Variants in PAXIP1 observed in about 807,000 individuals in gnomAD.
PAXIP1 encodes PAX interacting protein 1.
In PAXIP1, 19 loss-of-function variants were observed where a neutral mutation model predicts 140.6. The ratio of observed to expected loss-of-function variants is 0.14; its 90% CI spans 0.09 to 0.20. The LOEUF is 0.20. Among genes scored for constraint, PAXIP1 ranks in the 10% least tolerant of loss-of-function variants. PAXIP1 has a pLI of 1.00. For missense variants in PAXIP1, 920 were observed against 1,208.6 expected (o/e 0.76, Z 3.54); for synonymous variants, 442 against 444.6 (o/e 0.99, Z 0.07).
intron 6 of PAXIP1, among the ~76,000 whole-genome samples, chr7:154,972,207 C>G (rs1179026585): frequency 6.6e-6 from 1 of 152,166 alleles, no homozygotes; most frequent in Non-Finnish European, 1.5e-5. Context: ...CATAATAAGG[C>G]CAGGCACGGT....
chr7:154,950,314 C>G (rs1808217898), intron 16 of PAXIP1: 1 of 152,032 alleles, frequency 6.6e-6, no homozygotes, highest in Admixed American at 6.5e-5. Context: ...ATGTAAAATG[C>G]AAAACTATGA....
At chr7:154,999,470 G>A (rs902814043) in intron 1 of PAXIP1, among the ~76,000 whole-genome samples, 4 of 152,306 alleles carry the variant, frequency 2.6e-5, no homozygotes, top group Admixed American at 6.5e-5. Flanking sequence ...TTGGCTAGAT[G>A]ACTAAAGACA....
intron 6 of PAXIP1, among the ~76,000 whole-genome samples, chr7:154,971,572 T>C (rs1382405495): frequency 6.6e-6 from 1 of 152,212 alleles, no homozygotes; most frequent in Non-Finnish European, 1.5e-5. Flanking sequence ...GCTGGAAACA[T>C]GTTAGTCCTG....
At chr7:154,961,938 G>GT (rs1349581712) in intron 10 of PAXIP1, among the ~76,000 whole-genome samples, 1 of 152,184 alleles carries the variant, frequency 6.6e-6, no homozygotes, top group Non-Finnish European at 1.5e-5. Flanking sequence ...TATAAAGCAC[G>GT]TAACCACGAG....
At chr7:154,999,548 T>A (rs1810791303) in intron 1 of PAXIP1, among the ~76,000 whole-genome samples, 1 of 152,156 alleles carries the variant, frequency 6.6e-6, no homozygotes, top group Non-Finnish European at 1.5e-5. Flanking sequence ...GATGTCCTGA[T>A]GGGCAGAAAG....
In PAXIP1 at chr7:154,969,249, A is replaced by C. The variant is rs1809184382; in HGVS notation, c.1075-123T>G. ...AATATTCAACTAAGTAGACACAGCA[A>C]ATGATTGGAAACTGCAAAAACAATA... is the stretch of plus-strand genomic sequence containing the variant. On this transcript the variant is annotated intron_variant, in intron 6 of 20. Transcript: ENST00000404141. 1.4e-5 allele frequency: 14 copies of C among 1,024,384 alleles called. No homozygotes were observed. The East Asian group carries it at 3.6e-4, about 27-fold the overall frequency. The allele number at this position is 1,024,384 out of a possible 1,614,324, so 63.5% of individuals were successfully genotyped here. A position where few individuals can be genotyped will look rare whatever the true frequency, so the allele number is the denominator to read the frequency against.
At chr7:154,982,667 A>G (rs1276716989) in intron 5 of PAXIP1, among the ~76,000 whole-genome samples, 1 of 152,128 alleles carries the variant, frequency 6.6e-6, no homozygotes, top group Non-Finnish European at 1.5e-5. Flanking sequence ...CTGCATTTCT[A>G]ACAAGTCCCC....
In PAXIP1 at chr7:154,963,884, C is replaced by T. The variant is rs1808880240; in HGVS notation, c.1894-118G>A. On this transcript the variant is annotated intron_variant, in intron 8 of 20. Transcript: ENST00000404141. The surrounding 1 kb of genome is among the most constrained non-coding windows in gnomAD (Gnocchi z 4.1). Reference sequence around the variant, plus strand: ...CATATATTTATATCATGTATTTCCTCAAAGTATCAAGGACATGTAACAGTT... The same window carrying T: ...CATATATTTATATCATGTATTTCCTTAAAGTATCAAGGACATGTAACAGTT... 2 of 709,514 alleles carry T rather than the reference C, an allele frequency of 2.8e-6. No homozygotes were observed. Among genetic ancestry groups the T allele is most frequent in the African/African-American group, 3.5e-5 (2 of 56,852 alleles). 44.0% of individuals were successfully genotyped at this position (709,514 alleles called of 1,614,324 possible). A position where few individuals can be genotyped will look rare whatever the true frequency, so the allele number is the denominator to read the frequency against.
At chr7:154,998,405 G>A (rs1810736826) in intron 2 of PAXIP1, among the ~76,000 whole-genome samples, 1 of 152,188 alleles carries the variant, frequency 6.6e-6, no homozygotes, top group Admixed American at 6.5e-5. Flanking sequence ...CTACTCAGGA[G>A]GCTGAGGCAT....
Position 154,943,835 on chromosome 7 carries a change from CCATTTT to C in PAXIP1, c.*308_*313del, listed in dbSNP as rs1334307761. 3 of 317,476 alleles carry C rather than the reference CCATTTT, an allele frequency of 9.4e-6. No homozygotes were observed. Among genetic ancestry groups the C allele is most frequent in the African/African-American group, 6.4e-5 (3 of 46,782 alleles). 19.7% of individuals were successfully genotyped at this position (317,476 alleles called of 1,614,324 possible). A position where few individuals can be genotyped will look rare whatever the true frequency, so the allele number is the denominator to read the frequency against. On this transcript the variant is annotated 3_prime_UTR_variant, in exon 21 of 21. Transcript: ENST00000404141. The stretch of plus-strand genomic sequence containing the variant: ...AGAGATAGCAAGGTCTTTATTTACA[CCATTTT>C]ATTTCTAGTTGAAGTCCCGTAACAG...
chr7:154,964,391 C>T (rs558278612), intron 8 of PAXIP1: 2 of 152,286 alleles, frequency 1.3e-5, no homozygotes, highest in African/African-American at 4.8e-5. Context: ...GAGAATCTGA[C>T]GGCCTATTAG....
Position 155,002,864 on chromosome 7 carries a change from GC to G in PAXIP1, c.65del (p.Gly22AlafsTer24). ...GGCGCGGTACCTGCGGGTCGATGTC[GC>G]CCACCGCGTAATACTTGACCTCCCT... ...MFREVKYYAV[G>X]DIDPQVIQLL... is the part of the protein sequence containing the mutation. On this transcript the variant is annotated frameshift_variant, in exon 1 of 21. Coordinates refer to ENST00000404141, the MANE Select transcript of PAXIP1 (RefSeq NM_007349.4). LOFTEE classifies it high-confidence loss of function. 7.1e-7 allele frequency: 1 copy of G among 1,412,462 alleles called. No individual in the cohort carries two copies. The highest frequency in any genetic ancestry group is 3.3e-5 in the East Asian group (1 of 30,064). The allele number at this position is 1,412,462 out of a possible 1,614,324, so 87.5% of individuals were successfully genotyped here. A position where few individuals can be genotyped will look rare whatever the true frequency, so the allele number is the denominator to read the frequency against.
At chr7:154,944,989 T>C in intron 20 of PAXIP1, 1 of 151,526 alleles carries the variant, frequency 6.6e-6, no homozygotes, top group Non-Finnish European at 1.5e-5. Context: ...CTTCTTTTTT[T>C]TTTTTTTTTT....
intron 13 of PAXIP1, among the ~76,000 whole-genome samples, chr7:154,958,630 T>C (rs1380723980): frequency 1.3e-5 from 2 of 152,204 alleles, no homozygotes; most frequent in Non-Finnish European, 2.9e-5. Flanking sequence ...AGTCTCCAAA[T>C]TGTCATTCAT....
At chr7:154,966,659 C>CT (rs1283403954) in intron 8 of PAXIP1, among the ~76,000 whole-genome samples, 6 of 152,240 alleles carry the variant, frequency 3.9e-5, no homozygotes, top group African/African-American at 1.4e-4. Flanking sequence ...TGCTGTCCTT[C>CT]TCAGAACTGC....
intron 1 of PAXIP1, among the ~76,000 whole-genome samples, chr7:155,002,379 C>A (rs938085797): frequency 5.9e-5 from 9 of 152,116 alleles, no homozygotes; most frequent in African/African-American, 1.9e-4. Flanking sequence ...ACGGCCACGA[C>A]CCCCGCCGGC....
At chr7:154,972,416 G>A (rs539828023) in intron 6 of PAXIP1, among the ~76,000 whole-genome samples, 6 of 152,310 alleles carry the variant, frequency 3.9e-5, no homozygotes, top group Middle Eastern at 3.4e-3. Flanking sequence ...CTAAACCAGG[G>A]AGGTGCAGTT....
intron 6 of PAXIP1, among the ~76,000 whole-genome samples, chr7:154,971,189 G>A (rs542047714): frequency 8.5e-5 from 13 of 152,366 alleles, no homozygotes; most frequent in African/African-American, 3.1e-4. Flanking sequence ...GGCCTAGGTA[G>A]GACAGGAGGC....
chr7:154,968,959 G>GTGCTGCTGCTGCTGCTGCTGGGCC lies in PAXIP1; in HGVS notation c.1218_1241dup (p.Gln406_Gln413dup). ...GCTGGGGCTGAAGGTGTAAAACCGGGTGCTGCTGCTGCTGCTGCTGGGCCT... is the reference window on the plus strand; with the variant it reads ...GCTGGGGCTGAAGGTGTAAAACCGGGTGCTGCTGCTGCTGCTGCTGGGCCTGCTGCTGCTGCTGCTGCTGGGCCT... On this transcript the variant is annotated inframe_insertion, in exon 7 of 21. Transcript: ENST00000404141. 1 of 1,476,862 alleles carries GTGCTGCTGCTGCTGCTGCTGGGCC rather than the reference G, an allele frequency of 6.8e-7. No individual in the cohort carries two copies. Among genetic ancestry groups the GTGCTGCTGCTGCTGCTGCTGGGCC allele is most frequent in the Non-Finnish European group, 9.2e-7 (1 of 1,090,924 alleles). The allele number at this position is 1,476,862 out of a possible 1,614,324, so 91.5% of individuals were successfully genotyped here.
Sources: gnomAD v4.1 joint callset for allele counts (sites outside exome capture counted in the v4.1 genomes callset) on GRCh38, gnomAD v4.1.1 for gene constraint, Gnocchi (gnomAD v3.1) non-coding constraint, MANE v1.5 for transcripts, NCBI Gene and HGNC (gene_info 2026-07-23, HGNC 2026-07-21) for gene names.